Variants in FSTL4 observed in about 807,000 individuals in gnomAD.
FSTL4 encodes follistatin like 4, also known as follistatin-related protein 4.
Under a neutral mutation model 78.2 loss-of-function variants are expected in FSTL4, and 28 were observed. That is an observed-to-expected ratio of 0.36 (90% CI 0.27 to 0.49). The LOEUF is 0.49. Among genes scored for constraint, FSTL4 ranks in the 20% least tolerant of loss-of-function variants. FSTL4 has a pLI of 0.98. For synonymous variants in FSTL4, 422 were observed against 440.5 expected (o/e 0.96, Z 0.53); for missense variants, 922 against 1,084.9 (o/e 0.85, Z 2.11).
chr5:133,829,518 G>C, the FSTL4 span, among the ~76,000 whole-genome samples: 1 of 152,186 alleles, frequency 6.6e-6, no homozygotes, highest in African/African-American at 2.4e-5. Flanking sequence ...TCTATATTGA[G>C]CACTTACTGT....
chr5:133,840,638 C>A, the FSTL4 span, among the ~76,000 whole-genome samples: 5 of 152,318 alleles, frequency 3.3e-5, no homozygotes, highest in Admixed American at 6.5e-5. Flanking sequence ...TTAGCAGCAG[C>A]AAAGTCAACC....
At chr5:133,482,687 G>C (rs1758052214) in intron 3 of FSTL4, among the ~76,000 whole-genome samples, 1 of 152,184 alleles carries the variant, frequency 6.6e-6, no homozygotes, top group Non-Finnish European at 1.5e-5. Context: ...CACATGGCTT[G>C]CAGGGTGTGC....
intron 13 of FSTL4, among the ~76,000 whole-genome samples, chr5:133,210,515 G>T (rs1223922632): frequency 6.6e-6 from 1 of 151,022 alleles, no homozygotes; most frequent in Non-Finnish European, 1.5e-5. Flanking sequence ...TTTTTGAGAC[G>T]GAGTCTTGCT....
At chr5:133,728,321 C>T in the FSTL4 span, among the ~76,000 whole-genome samples, 1 of 152,236 alleles carries the variant, frequency 6.6e-6, no homozygotes, top group Non-Finnish European at 1.5e-5. Flanking sequence ...CTCCCAGGTA[C>T]AGGTTCAGAG....
At chr5:133,496,542 T>A (rs895853462) in intron 3 of FSTL4, among the ~76,000 whole-genome samples, 1 of 152,180 alleles carries the variant, frequency 6.6e-6, no homozygotes, top group Non-Finnish European at 1.5e-5. Flanking sequence ...ATTCATGGCA[T>A]GAGGCTTTGA....
At chr5:133,374,855 G>A (rs1484970372) in intron 4 of FSTL4, among the ~76,000 whole-genome samples, 2 of 152,080 alleles carry the variant, frequency 1.3e-5, no homozygotes, top group African/African-American at 2.4e-5. Flanking sequence ...CCAGAACTGT[G>A]AGAAATAAAT....
the FSTL4 span, among the ~76,000 whole-genome samples, chr5:133,645,855 G>C: frequency 6.6e-6 from 1 of 152,176 alleles, no homozygotes; most frequent in African/African-American, 2.4e-5. Context: ...TCCTCCTCTA[G>C]AGCCTTTGGA....
intron 3 of FSTL4, among the ~76,000 whole-genome samples, chr5:133,513,294 C>A (rs750335821): frequency 6.6e-6 from 1 of 152,158 alleles, no homozygotes; most frequent in Non-Finnish European, 1.5e-5. Context: ...AGAATTGTTT[C>A]TTTTTACAAA....
At chr5:133,403,268 C>G (rs1217300147) in intron 3 of FSTL4, among the ~76,000 whole-genome samples, 1 of 152,238 alleles carries the variant, frequency 6.6e-6, no homozygotes, top group Non-Finnish European at 1.5e-5. Context: ...TCTCTGTGCC[C>G]TGGCCTCTCC....
chr5:133,689,345 A>AC, the FSTL4 span, among the ~76,000 whole-genome samples: 1 of 152,128 alleles, frequency 6.6e-6, no homozygotes, highest in Non-Finnish European at 1.5e-5. Flanking sequence ...GCACAACTGA[A>AC]CCCCAAACTC....
At chr5:133,628,638 G>A in the FSTL4 span, among the ~76,000 whole-genome samples, 1 of 152,046 alleles carries the variant, frequency 6.6e-6, no homozygotes, top group Non-Finnish European at 1.5e-5. Flanking sequence ...GGGGTTATAG[G>A]TGTGAGCTGC....
the FSTL4 span, among the ~76,000 whole-genome samples, chr5:133,792,282 C>A: frequency 3.3e-5 from 5 of 152,152 alleles, no homozygotes; most frequent in African/African-American, 1.2e-4. Flanking sequence ...AAATACTGTG[C>A]ATTCAGGAAC....
At chr5:133,265,253 G>A (rs1752618626) in intron 6 of FSTL4, among the ~76,000 whole-genome samples, 1 of 152,136 alleles carries the variant, frequency 6.6e-6, no homozygotes, top group East Asian at 1.9e-4. Flanking sequence ...CTCACACTGA[G>A]CTGGACACAA....
chr5:133,202,841 G>A (rs1750373747), intron 14 of FSTL4: 2 of 152,380 alleles, frequency 1.3e-5, no homozygotes, highest in South Asian at 4.1e-4. Context: ...TCTCCCCTGT[G>A]GACTTGGCAG....
chr5:133,669,297 G>C, the FSTL4 span, among the ~76,000 whole-genome samples: 1 of 152,116 alleles, frequency 6.6e-6, no homozygotes, highest in African/African-American at 2.4e-5. Context: ...ATCCTGAGAT[G>C]GGGGGGCAAG....
chr5:133,215,117 A>G (rs1750864836), intron 13 of FSTL4, among the ~76,000 whole-genome samples: 1 of 152,196 alleles, frequency 6.6e-6, no homozygotes, highest in Non-Finnish European at 1.5e-5. Context: ...TCTTCATAAC[A>G]TACACATGCT....
rs766229025 is a variant in FSTL4 at position 133,199,487 on chromosome 5, C to T, written c.2137G>A (p.Val713Met). ...SAAADSPWLH[V>M]QEITVRGEIQ... ...TCGCCCCGCACTGTGATCTCCTGCACGTGCAGCCAGGGGCTGTCAGCTGCA... is the reference window on the plus strand; with the variant it reads ...TCGCCCCGCACTGTGATCTCCTGCATGTGCAGCCAGGGGCTGTCAGCTGCA... Residue 713 changes from valine to methionine, a missense_variant, in exon 16 of 16, where the codon GTG (valine) becomes ATG (methionine). By Grantham distance (21) the Val-to-Met change is conservative. Transcript: ENST00000265342. The surrounding 1 kb of genome is among the most constrained non-coding windows in gnomAD (Gnocchi z 4.4). The T allele has an allele frequency of 4.3e-6, 7 of 1,614,088 alleles. No individual in the cohort carries two copies. Among genetic ancestry groups the T allele is most frequent in the South Asian group, 3.3e-5 (3 of 91,092 alleles).
chr5:133,240,811 C>G (rs112702269), intron 7 of FSTL4, among the ~76,000 whole-genome samples: 4 of 152,162 alleles, frequency 2.6e-5, no homozygotes, highest in Admixed American at 2.0e-4. Flanking sequence ...ATGCTACCTC[C>G]TGGGAAGCCC....
chr5:133,731,692 G>T, the FSTL4 span, among the ~76,000 whole-genome samples: 1 of 152,112 alleles, frequency 6.6e-6, no homozygotes, highest in Non-Finnish European at 1.5e-5. Context: ...AGGGAAAAAA[G>T]ATAAAGCAGG....
Sources: gnomAD v4.1 joint callset for allele counts (sites outside exome capture counted in the v4.1 genomes callset) on GRCh38, gnomAD v4.1.1 for gene constraint, Gnocchi (gnomAD v3.1) non-coding constraint, MANE v1.5 for transcripts, NCBI Gene and HGNC (gene_info 2026-07-23, HGNC 2026-07-21) for gene names.